HIVEP1: variants seen among roughly 807,000 people sequenced by gnomAD.
HIVEP1 encodes the protein zinc finger protein 40.
HIVEP1 carries 36 observed loss-of-function variants against 180.0 expected under a neutral mutation model. That is an observed-to-expected ratio of 0.20 (90% confidence interval 0.15 to 0.26). The LOEUF (loss-of-function observed/expected upper bound fraction) is 0.26. Ranked by LOEUF, HIVEP1 falls within the 10% of genes least tolerant of loss-of-function variation. The pLI is 1.00. For missense variants in HIVEP1, 3,143 were observed against 3,268.7 expected, an observed-to-expected ratio of 0.96 and a Z score of 0.94; for synonymous variants, 1,239 against 1,239.0, an observed-to-expected ratio of 1.00 and a Z score of 0.00.
chr6:12,208,505 G>A, the HIVEP1 span, among the ~76,000 whole-genome samples: 1 of 152,144 alleles, frequency 6.6e-6, no homozygotes, highest in East Asian at 1.9e-4. Flanking sequence ...CACAGAAAAA[G>A]TTACCCTGAG....
At chr6:12,046,000 T>C (rs1055591756) in intron 2 of HIVEP1, among the ~76,000 whole-genome samples, 2 of 152,236 alleles carry the variant, frequency 1.3e-5, no homozygotes, top group African/African-American at 2.4e-5. Flanking sequence ...CTGAAAAGAA[T>C]GTTAAGTATC....
chr6:12,174,318 A>G, the HIVEP1 span, among the ~76,000 whole-genome samples: 1 of 152,304 alleles, frequency 6.6e-6, no homozygotes, highest in East Asian at 1.9e-4. Flanking sequence ...AATAATTTCT[A>G]AAATTTATTT....
intron 2 of HIVEP1, among the ~76,000 whole-genome samples, chr6:12,065,861 A>G (rs1023176720): frequency 1.3e-5 from 2 of 152,120 alleles, no homozygotes; most frequent in South Asian, 2.1e-4. Context: ...TTAGAAAGCT[A>G]TTTTTGGTTT....
chr6:12,145,303 A>G (rs999380745), intron 7 of HIVEP1, among the ~76,000 whole-genome samples: 1 of 151,974 alleles, frequency 6.6e-6, no homozygotes, highest in Admixed American at 6.6e-5. Context: ...TCACTCACAG[A>G]TGGGAATTGA....
the HIVEP1 span, among the ~76,000 whole-genome samples, chr6:12,180,896 G>A: frequency 6.6e-6 from 1 of 152,200 alleles, no homozygotes; most frequent in Non-Finnish European, 1.5e-5. Context: ...AAGTACAGGT[G>A]TAAACAACAT....
intron 6 of HIVEP1, among the ~76,000 whole-genome samples, chr6:12,131,167 T>G (rs1446569876): frequency 6.6e-6 from 1 of 151,672 alleles, no homozygotes; most frequent in East Asian, 1.9e-4. Context: ...AATATAATAT[T>G]TTTAAAAGAG....
chr6:12,047,188 T>C (rs1770196388), intron 2 of HIVEP1, among the ~76,000 whole-genome samples: 1 of 152,176 alleles, frequency 6.6e-6, no homozygotes, highest in Admixed American at 6.5e-5. Flanking sequence ...TAAAATACTA[T>C]TCCAATACTT....
chr6:12,166,354 C>T (rs1480636752), downstream of HIVEP1, among the ~76,000 whole-genome samples: 1 of 152,108 alleles, frequency 6.6e-6, no homozygotes, highest in East Asian at 1.9e-4. Flanking sequence ...AATTCCTATA[C>T]TTAAAGACAA....
chr6:12,019,358 G>A (rs1314875408), intron 2 of HIVEP1, among the ~76,000 whole-genome samples: 1 of 152,162 alleles, frequency 6.6e-6, no homozygotes, highest in Non-Finnish European at 1.5e-5. Context: ...GTTAGAGTAA[G>A]CAGGTAACCA....
chr6:12,093,476 T>A (rs981106336), intron 3 of HIVEP1, among the ~76,000 whole-genome samples: 1 of 151,360 alleles, frequency 6.6e-6, no homozygotes, highest in African/African-American at 2.4e-5. Context: ...ATATATATAT[T>A]TTCTATATTT....
intron 3 of HIVEP1, among the ~76,000 whole-genome samples, chr6:12,109,322 C>T (rs1243036248): frequency 6.6e-6 from 1 of 152,152 alleles, no homozygotes; most frequent in Non-Finnish European, 1.5e-5. Flanking sequence ...AAGTTTGCCA[C>T]CTTGACTTTT....
Position 12,123,741 on chromosome 6 carries a change from T to C in HIVEP1, c.3946T>C (p.Ser1316Pro). The change falls in exon 4 of 9, where the codon TCA (serine) becomes CCA (proline). Residue 1316 changes from serine (S) to proline (P), a missense_variant. Physicochemically the swap from Ser to Pro is moderately conservative, Grantham distance 74. This residue lies in a region of HIVEP1 where 1,357 missense variants were observed against 1,260.5 expected (regional missense o/e 1.08). Transcript: ENST00000379388. ...TAGGGAGAGCAGTTTATCTCACACT[T>C]CAAGTTTCTCAGCCTCTTTAGACAT... is the stretch of plus-strand genomic sequence containing the variant. ...LSRESSLSHT[S>P]SFSASLDIED... The C allele has an allele frequency of 6.2e-7, 1 of 1,614,110 alleles. No homozygotes were observed. Among genetic ancestry groups the C allele is most frequent in the South Asian group, 1.1e-5 (1 of 91,072 alleles).
chr6:12,130,741 C>T (rs200595208), intron 5 of HIVEP1, 26 bp from the exon 6 acceptor site: 38 of 1,373,900 alleles, frequency 2.8e-5, no homozygotes, highest in Non-Finnish European at 3.6e-5. Flanking sequence ...TCCAATCTCC[C>T]TATTCATTTT....
the HIVEP1 span, among the ~76,000 whole-genome samples, chr6:12,203,495 G>C: frequency 6.6e-6 from 1 of 152,176 alleles, no homozygotes; most frequent in Admixed American, 6.5e-5. Flanking sequence ...TATGGAGTGA[G>C]TGAGTTTGCC....
At chr6:12,090,327 C>A (rs1409598256) in intron 3 of HIVEP1, among the ~76,000 whole-genome samples, 1 of 152,070 alleles carries the variant, frequency 6.6e-6, no homozygotes, top group African/African-American at 2.4e-5. Context: ...AAATAGGATT[C>A]CAGTTGAAAG....
intron 2 of HIVEP1, among the ~76,000 whole-genome samples, chr6:12,044,750 G>GT (rs1345291921): frequency 7.3e-5 from 11 of 150,628 alleles, no homozygotes; most frequent in African/African-American, 2.7e-4. Flanking sequence ...AGGACTTGCT[G>GT]TCCCCCACTC....
chr6:12,032,906 A>T (rs1302368177), intron 2 of HIVEP1, among the ~76,000 whole-genome samples: 1 of 152,206 alleles, frequency 6.6e-6, no homozygotes. Context: ...CTCTTCCCAG[A>T]TATCCAAAAT....
At chr6:12,101,048 G>A (rs1256602091) in intron 3 of HIVEP1, among the ~76,000 whole-genome samples, 6 of 152,060 alleles carry the variant, frequency 3.9e-5, no homozygotes. Flanking sequence ...TGCTACTTTT[G>A]TACAAACCAT....
chr6:12,050,357 G>A (rs1770419261), intron 2 of HIVEP1, among the ~76,000 whole-genome samples: 1 of 152,160 alleles, frequency 6.6e-6, no homozygotes, highest in Non-Finnish European at 1.5e-5. Context: ...AGGCCAAGAC[G>A]GGCGGATCAT....
Sources: gnomAD v4.1 joint callset for allele counts (sites outside exome capture counted in the v4.1 genomes callset) on GRCh38, gnomAD v4.1.1 for gene constraint, gnomAD v4.1.1 regional missense constraint, MANE v1.5 for transcripts, NCBI Gene and HGNC (gene_info 2026-07-23, HGNC 2026-07-21) for gene names.